The following DUOX2 variants were observed in gnomAD, a reference collection of about 807,000 sequenced individuals.
DUOX2 encodes dual oxidase 2, also known as NADH/NADPH thyroid oxidase p138-tox.
DUOX2 carries 185 observed loss-of-function variants against 183.3 expected under a neutral mutation model. The observed-to-expected ratio is 1.01, with a 90% CI of 0.90 to 1.14. DUOX2 has a LOEUF of 1.14. Among genes scored for constraint, DUOX2 ranks in the 50% most tolerant of loss-of-function variants. The pLI, the probability that DUOX2 is intolerant of heterozygous loss-of-function variation, is 0.00. For synonymous variants in DUOX2, 788 were observed against 812.4 expected (o/e 0.97, Z 0.51); for missense variants, 1,999 against 2,022.9 (o/e 0.99, Z 0.23).
At chr15:45,100,418 C>T (rs1353383665) in intron 23 of DUOX2, 190 bp from the exon 24 acceptor site, 3 of 621,044 alleles carry the variant, frequency 4.8e-6, no homozygotes, top group African/African-American at 3.7e-5. Flanking sequence ...CATCCACCCA[C>T]TCACTGTCTC....
Position 45,099,702 on chromosome 15 carries a change from G to A in DUOX2, c.3375C>T (p.Asp1125=), listed in dbSNP as rs767782942. The change falls in exon 25 of 34, where the codon GAC becomes GAT. Residue 1125 remains aspartate (D), a synonymous_variant. Transcript: ENST00000389039. ...NRYVPFDAAV[D]FHRWIAMAAV... ...CAGCCATGGCGATCCAGCGGTGGAA[G>A]TCCACTGCGGCATCAAAAGGCACAT... is the stretch of plus-strand genomic sequence containing the variant. 1 of 1,614,234 alleles carries A rather than the reference G, an allele frequency of 6.2e-7. No homozygotes were observed. Among genetic ancestry groups the A allele is most frequent in the Non-Finnish European group, 8.5e-7 (1 of 1,180,044 alleles).
At chr15:45,105,371 GATCTC>G (rs1380960182) in intron 18 of DUOX2, among the ~76,000 whole-genome samples, 1 of 152,112 alleles carries the variant, frequency 6.6e-6, no homozygotes, top group African/African-American at 2.4e-5. Flanking sequence ...TCATGTAGAC[GATCTC>G]ACCGAATCCT....
intron 29 of DUOX2, 25 bp downstream of exon 29, chr15:45,097,213 A>T: frequency 6.2e-7 from 1 of 1,613,902 alleles, no homozygotes; most frequent in East Asian, 2.2e-5. Context: ...GTCGCTCCCG[A>T]CCCAGGTCAG....
chr15:45,104,078 G>A lies in DUOX2; in HGVS notation c.2561-25C>T, dbSNP rs545701536. On this transcript the variant is annotated intron_variant, in intron 19 of 33. Coordinates refer to ENST00000389039, the MANE Select transcript of DUOX2 (RefSeq NM_001363711.2). ...CCTGGGAAGAAAAAAGGGAATGCAGGTCATCTCCTTGCTGAAAGACCCCTG... is the reference window on the plus strand; with the variant it reads ...CCTGGGAAGAAAAAAGGGAATGCAGATCATCTCCTTGCTGAAAGACCCCTG... 36 of 1,614,042 alleles carry A rather than the reference G, an allele frequency of 2.2e-5. No individual in the cohort carries two copies. In the South Asian group the frequency reaches 3.5e-4, roughly 16 times the overall value.
At chr15:45,094,389 G>A (rs1478747374) in intron 33 of DUOX2, 117 bp from the exon 34 acceptor site, 19 of 1,564,108 alleles carry the variant, frequency 1.2e-5, no homozygotes, top group East Asian at 2.3e-5. Context: ...CAGGCCTTGA[G>A]GAGGAGGCTT....
rs745608872 is a variant in DUOX2, at chr15:45,099,474, T to A, written c.3424A>T (p.Ser1142Cys). 1.2e-6 allele frequency: 2 copies of A among 1,613,880 alleles called. No homozygotes were observed. Among genetic ancestry groups the A allele is most frequent in the Non-Finnish European group, 1.7e-6 (2 of 1,179,984 alleles). Residue 1142 changes from serine (S) to cysteine (C), a missense_variant, in exon 26 of 34, where the codon AGT (serine) becomes TGT (cysteine). Coordinates refer to ENST00000389039, the MANE Select transcript of DUOX2 (RefSeq NM_001363711.2). ...TAGACATTGACTGCGTGGCCAGCAC[T>A]GTGCAAAACTGGAAGAGACAGACCC... ...MAAVVLAILHSAGHAVNVYIF... is the reference protein window; with the variant it reads ...MAAVVLAILHCAGHAVNVYIF...
At chr15:45,100,609 A>G (rs1894054095) in intron 23 of DUOX2, 146 bp downstream of exon 23, 1 of 807,490 alleles carries the variant, frequency 1.2e-6, no homozygotes, top group Admixed American at 1.8e-5. Flanking sequence ...AAGTCATTCA[A>G]CACTGTAACC....
Position 45,104,073 on chromosome 15 carries a change from T to C in DUOX2, c.2561-20A>G, listed in dbSNP as rs777452627. ...GGGAGCCTGGGAAGAAAAAAGGGAA[T>C]GCAGGTCATCTCCTTGCTGAAAGAC... On this transcript the variant is annotated intron_variant, in intron 19 of 33. Transcript: ENST00000389039. 1.2e-6 allele frequency: 2 copies of C among 1,614,102 alleles called. No homozygotes were observed. Among genetic ancestry groups the C allele is most frequent in the Non-Finnish European group, 1.7e-6 (2 of 1,179,990 alleles).
chr15:45,095,436 C>T lies in DUOX2; in HGVS notation c.4239+1G>A. On this transcript the variant is annotated splice_donor_variant, in intron 31 of 33. Transcript: ENST00000389039. LOFTEE classifies it high-confidence loss of function. ...TTGATGAATGAGGGAGGGATGCTCACCTTCTTACACAGCATTTGGCTGCCC... is the reference window on the plus strand; with the variant it reads ...TTGATGAATGAGGGAGGGATGCTCATCTTCTTACACAGCATTTGGCTGCCC... 1 of 1,614,244 alleles carries T rather than the reference C, an allele frequency of 6.2e-7. No homozygotes were observed. Among genetic ancestry groups the T allele is most frequent in the South Asian group, 1.1e-5 (1 of 91,088 alleles).
At chr15:45,112,959 C>A (rs1894488085) in intron 3 of DUOX2, 28 bp downstream of exon 3, 1 of 1,611,676 alleles carries the variant, frequency 6.2e-7, no homozygotes. Context: ...AGCCACGGCC[C>A]CAGCACGCCC....
rs1894296335 is a variant in DUOX2 at position 45,108,650 on chromosome 15, T to C, written c.1398+139A>G. 14 of 981,378 alleles carry C rather than the reference T, an allele frequency of 1.4e-5. No individual in the cohort carries two copies. The South Asian group carries it at 2.0e-4, about 14-fold the overall frequency. 60.8% of individuals were successfully genotyped at this position (981,378 alleles called of 1,614,324 possible). A position where few individuals can be genotyped will look rare whatever the true frequency, so the allele number is the denominator to read the frequency against. On this transcript the variant is annotated intron_variant, in intron 12 of 33. Coordinates refer to ENST00000389039, the MANE Select transcript of DUOX2 (RefSeq NM_001363711.2). ...CCTCTATGATTTACCAACTATGTCA[T>C]CAGTAAAATGGGGAAAATGATTATA...
intron 28 of DUOX2, 52 bp from the exon 29 acceptor site, chr15:45,097,443 G>A: frequency 1.2e-6 from 2 of 1,613,958 alleles, no homozygotes; most frequent in South Asian, 1.1e-5. Context: ...CCCCTGCCCG[G>A]CATCCCCTCT....
At position 45,109,884 on chromosome 15, in the gene DUOX2, T is replaced by G. The variant is rs1407132670; in HGVS notation, c.1131+6A>C. On this transcript the variant is annotated splice_donor_region_variant and intron_variant, in intron 10 of 33. Transcript: ENST00000389039. ...CATCTTCCCCTGACCCTGACCCCAG[T>G]CTGACCTCCCGAATCCAGTAGTTGT... is the stretch of plus-strand genomic sequence containing the variant. 6 of 1,613,962 alleles carry G rather than the reference T, an allele frequency of 3.7e-6. No individual in the cohort carries two copies. Among genetic ancestry groups the G allele is most frequent in the Non-Finnish European group, 5.1e-6 (6 of 1,179,960 alleles).
At chr15:45,108,022 A>G in intron 13 of DUOX2, 25 bp downstream of exon 13, 2 of 1,613,714 alleles carry the variant, frequency 1.2e-6, no homozygotes, top group East Asian at 2.2e-5. Flanking sequence ...GAGCAGTCTG[A>G]GGTGGGGGCC....
At position 45,103,994 on chromosome 15, in the gene DUOX2, A is replaced by C. The variant is rs748828344; in HGVS notation, c.2620T>G (p.Phe874Val). 2 of 1,614,186 alleles carry C rather than the reference A, an allele frequency of 1.2e-6. No individual in the cohort carries two copies. The highest frequency in any genetic ancestry group is 3.3e-5 in the Admixed American group (2 of 60,022). The change falls in exon 20 of 34, where the codon TTC (phenylalanine) becomes GTC (valine). Residue 874 changes from phenylalanine to valine, a missense_variant. Transcript: ENST00000389039. ...GTGAAGAATTCGTCCTTGGAGAGGA[A>C]GCCATTCTCATCCAGGTCATACATG... ...FTMYDLDENG[F>V]LSKDEFFTMM... is the part of the protein sequence containing the mutation.
In DUOX2 at chr15:45,107,331, C is replaced by T; in HGVS notation, c.1693+14G>A. The stretch of plus-strand genomic sequence containing the variant: ...GGCCACTGTCACTCACTTGTGTTCT[C>T]CCACGGCACTCACCTTTATGCCAGA... On this transcript the variant is annotated intron_variant, in intron 14 of 33. Transcript: ENST00000389039. 1 of 1,613,690 alleles carries T rather than the reference C, an allele frequency of 6.2e-7. No individual in the cohort carries two copies. Among genetic ancestry groups the T allele is most frequent in the South Asian group, 1.1e-5 (1 of 91,078 alleles).
Position 45,101,188 on chromosome 15 carries a change from G to T in DUOX2, c.2921+17C>A. The T allele has an allele frequency of 1.2e-6, 2 of 1,612,296 alleles. No individual in the cohort carries two copies. Reference sequence around the variant, plus strand: ...GGCTCAGCCAGGCCAACCTGCCAGAGCCCCATTCCTGCTCACCGCTCCCCA... The same window carrying T: ...GGCTCAGCCAGGCCAACCTGCCAGATCCCCATTCCTGCTCACCGCTCCCCA... On this transcript the variant is annotated intron_variant, in intron 22 of 33. Transcript: ENST00000389039.
chr15:45,105,895 A>G (rs1049246821), intron 17 of DUOX2, 67 bp from the exon 18 acceptor site: 67 of 1,587,980 alleles, frequency 4.2e-5, no homozygotes, highest in South Asian at 1.0e-4. Context: ...CCTCCCCTCA[A>G]TGGATCTTGG....
chr15:45,108,227 G>C lies in DUOX2; in HGVS notation c.1399-5C>G, dbSNP rs1894279166. The C allele has an allele frequency of 6.2e-7, 1 of 1,614,056 alleles. No individual in the cohort carries two copies. Reference sequence around the variant, plus strand: ...GGCAGCTGTGGCCTCCAGCACCTGGGGCACCACAGGAGATAAGGGGTGAGC... The same window carrying C: ...GGCAGCTGTGGCCTCCAGCACCTGGCGCACCACAGGAGATAAGGGGTGAGC... On this transcript the variant is annotated splice_polypyrimidine_tract_variant and splice_region_variant and intron_variant, in intron 12 of 33. Coordinates refer to ENST00000389039, the MANE Select transcript of DUOX2 (RefSeq NM_001363711.2).
Sources: allele counts gnomAD v4.1 joint callset (sites outside exome capture counted in the v4.1 genomes callset), GRCh38; gene constraint gnomAD v4.1.1; transcripts MANE v1.5; gene names NCBI Gene and HGNC (gene_info 2026-07-23, HGNC 2026-07-21).